The following ANO1 variants were observed in gnomAD, a reference collection of about 807,000 sequenced individuals.
ANO1 encodes anoctamin-1.
ANO1 carries 59 observed loss-of-function variants against 124.0 expected under a neutral mutation model. The observed-to-expected ratio is 0.48, with a 90% CI of 0.39 to 0.59. The LOEUF is 0.59. ANO1 is among the 20% of genes least tolerant of loss of function. The probability of loss-of-function intolerance (pLI) is 0.00; values close to 1 mark genes in which losing one functional copy is unlikely to be tolerated. For missense variants in ANO1, 1,059 were observed against 1,328.0 expected (o/e 0.80, Z 3.15); for synonymous variants, 529 against 532.0 (o/e 0.99, Z 0.08).
At chr11:70,124,502 G>A (rs1470741355) in intron 9 of ANO1, 88 bp downstream of exon 9, 7 of 1,362,922 alleles carry the variant, frequency 5.1e-6, no homozygotes, top group Admixed American at 3.6e-5. Flanking sequence ...CGCTCTGAAT[G>A]TTCAGTACCC....
chr11:70,039,077 C>T (rs534576078), intron 1 of ANO1, among the ~76,000 whole-genome samples: 1 of 152,226 alleles, frequency 6.6e-6, no homozygotes, highest in South Asian at 2.1e-4. Context: ...GCAAGACATC[C>T]CTGGTCTGGA....
intron 1 of ANO1, among the ~76,000 whole-genome samples, chr11:70,037,773 T>C (rs949677110): frequency 2.8e-4 from 43 of 152,192 alleles, no homozygotes; most frequent in African/African-American, 1.0e-3. Flanking sequence ...CGCTGGGCTC[T>C]GGGCAAGTAG....
chr11:69,973,797 G>A, the ANO1 span, among the ~76,000 whole-genome samples: 1 of 151,788 alleles, frequency 6.6e-6, no homozygotes, highest in South Asian at 2.1e-4. Context: ...GCTTGAACCC[G>A]GGAGGTGGAG....
the ANO1 span, among the ~76,000 whole-genome samples, chr11:69,973,520 T>C: frequency 6.6e-6 from 1 of 152,144 alleles, no homozygotes. Context: ...GAGTTATCCT[T>C]GCTAGGCGGT....
At chr11:69,973,313 T>C in the ANO1 span, among the ~76,000 whole-genome samples, 1 of 152,208 alleles carries the variant, frequency 6.6e-6, no homozygotes, top group Non-Finnish European at 1.5e-5. Context: ...CATAAAAATA[T>C]AATTTTCTTA....
At chr11:70,149,569 T>G in intron 11 of ANO1, 141 bp from the exon 12 acceptor site, 1 of 808,916 alleles carries the variant, frequency 1.2e-6, no homozygotes, top group South Asian at 1.7e-5. Context: ...GAGAATCGCT[T>G]GAACCCAGGA....
chr11:70,038,295 C>T (rs782589064), intron 1 of ANO1, among the ~76,000 whole-genome samples: 12 of 152,176 alleles, frequency 7.9e-5, no homozygotes, highest in Non-Finnish European at 1.6e-4. Context: ...TTCTCTTTCC[C>T]CTTTGCCTAT....
chr11:70,124,479 T>C, intron 9 of ANO1, 65 bp downstream of exon 9: 1 of 1,534,860 alleles, frequency 6.5e-7, no homozygotes, highest in Non-Finnish European at 9.0e-7. Flanking sequence ...ATAACATCCC[T>C]GTGGGTTTCA....
intron 24 of ANO1, among the ~76,000 whole-genome samples, chr11:70,183,871 G>C (rs890435920): frequency 6.6e-6 from 1 of 152,246 alleles, no homozygotes; most frequent in African/African-American, 2.4e-5. Context: ...CTGGGGTGGG[G>C]TCTGGCACAT....
intron 22 of ANO1, among the ~76,000 whole-genome samples, chr11:70,174,261 T>C (rs867700088): frequency 2.0e-5 from 3 of 150,944 alleles, no homozygotes; most frequent in African/African-American, 7.3e-5. Flanking sequence ...TTTTTAATGT[T>C]GGCATGCACC....
chr11:70,023,378 C>T (rs1856839267), intron 1 of ANO1, among the ~76,000 whole-genome samples: 1 of 152,148 alleles, frequency 6.6e-6, no homozygotes, highest in African/African-American at 2.4e-5. Context: ...AGATCCCAGG[C>T]TAAACCATGT....
chr11:70,032,346 G>A (rs531414094), intron 1 of ANO1, among the ~76,000 whole-genome samples: 6 of 152,268 alleles, frequency 3.9e-5, no homozygotes, highest in South Asian at 4.2e-4. Flanking sequence ...GATGGTCGTC[G>A]GGGAGAGGCG....
intron 1 of ANO1, among the ~76,000 whole-genome samples, chr11:70,016,270 C>T (rs1363265808): frequency 6.6e-6 from 1 of 152,182 alleles, no homozygotes; most frequent in Non-Finnish European, 1.5e-5. Context: ...TCATGGTCCA[C>T]CCACCTCAGC....
At chr11:69,988,434 C>T (rs1441304816) in intron 1 of ANO1, among the ~76,000 whole-genome samples, 1 of 152,210 alleles carries the variant, frequency 6.6e-6, no homozygotes, top group African/African-American at 2.4e-5. Context: ...GTGAAAAGGA[C>T]TTGAGTTCAT....
intron 10 of ANO1, 102 bp from the exon 11 acceptor site, chr11:70,131,817 C>G: frequency 1.4e-6 from 2 of 1,421,674 alleles, no homozygotes; most frequent in Non-Finnish European, 1.9e-6. Context: ...CTCGCCAACC[C>G]CCAGCTTGGG....
At chr11:70,185,743 G>A (rs1308717526) in intron 25 of ANO1, 48 bp downstream of exon 25, 1 of 1,584,792 alleles carries the variant, frequency 6.3e-7, no homozygotes, top group Non-Finnish European at 8.7e-7. Context: ...GGAGCATTTA[G>A]GGACCATCCT....
chr11:70,004,646 C>T (rs546097162), intron 1 of ANO1, among the ~76,000 whole-genome samples: 1 of 152,338 alleles, frequency 6.6e-6, no homozygotes, highest in Non-Finnish European at 1.5e-5. Context: ...ATCACACTGC[C>T]CTCAAAAAAT....
At chr11:70,094,155 G>A (rs560992948) in intron 2 of ANO1, among the ~76,000 whole-genome samples, 8 of 152,318 alleles carry the variant, frequency 5.3e-5, no homozygotes, top group African/African-American at 1.9e-4. Flanking sequence ...ACCACTCCCA[G>A]GGCCTGACCC....
intron 21 of ANO1, chr11:70,170,236 G>T (rs2048406979): frequency 6.7e-6 from 3 of 450,090 alleles, no homozygotes; most frequent in Admixed American, 2.4e-5. Flanking sequence ...TCCCTTCCCA[G>T]CATGGGCAGG....
Sources: allele counts gnomAD v4.1 joint callset (sites outside exome capture counted in the v4.1 genomes callset), GRCh38; gene constraint gnomAD v4.1.1; transcripts MANE v1.5; gene names NCBI Gene and HGNC (gene_info 2026-07-23, HGNC 2026-07-21).